GLRA1: variants seen among roughly 807,000 people sequenced by gnomAD.
The protein encoded by GLRA1 is glycine receptor alpha 1.
A neutral mutation model predicts 48.3 loss-of-function variants in GLRA1; 37 were observed. The observed-to-expected ratio is 0.77, with a 90% CI of 0.59 to 1.01. The LOEUF (loss-of-function observed/expected upper bound fraction) is 1.01. GLRA1 is among the 50% of genes least tolerant of loss of function. The pLI is 0.00. For synonymous variants in GLRA1, 196 were observed against 210.7 expected, an observed-to-expected ratio of 0.93 and a Z score of 0.60; for missense variants, 427 against 571.0, an observed-to-expected ratio of 0.75 and a Z score of 2.57.
intron 3 of GLRA1, 145 bp downstream of exon 3, chr5:151,886,576 T>A: frequency 9.9e-6 from 7 of 704,592 alleles, no homozygotes; most frequent in South Asian, 3.0e-5. Flanking sequence ...AGTAAAGACA[T>A]CCGAGCCTCA....
chr5:151,913,617 C>T (rs1044293236), intron 1 of GLRA1, among the ~76,000 whole-genome samples: 3 of 152,004 alleles, frequency 2.0e-5, no homozygotes, highest in Admixed American at 2.0e-4. Flanking sequence ...ACAAGATATT[C>T]CTGAGTGATA....
intron 1 of GLRA1, among the ~76,000 whole-genome samples, chr5:151,906,673 A>G (rs1394813415): frequency 6.6e-6 from 1 of 152,126 alleles, no homozygotes; most frequent in Non-Finnish European, 1.5e-5. Flanking sequence ...CTTTGCAAAT[A>G]TTATTTATTT....
intron 3 of GLRA1, among the ~76,000 whole-genome samples, chr5:151,875,376 G>T (rs1184933281): frequency 6.6e-6 from 1 of 152,206 alleles, no homozygotes; most frequent in Admixed American, 6.5e-5. Context: ...GTTTCACTTT[G>T]TTGCCTAGGC....
At chr5:151,864,770 G>A (rs1340900553) in intron 3 of GLRA1, among the ~76,000 whole-genome samples, 1 of 152,046 alleles carries the variant, frequency 6.6e-6, no homozygotes, top group Non-Finnish European at 1.5e-5. Context: ...GCTTGATTGG[G>A]AGCAATCTTA....
intron 3 of GLRA1, among the ~76,000 whole-genome samples, chr5:151,885,936 C>T (rs1364119348): frequency 6.6e-6 from 1 of 152,082 alleles, no homozygotes; most frequent in Non-Finnish European, 1.5e-5. Context: ...TGATGGAAGC[C>T]TGAACTAGAT....
Position 151,843,809 on chromosome 5 carries a change from A to G in GLRA1, c.912+7581T>C, listed in dbSNP as rs147101368. 4.5e-3 allele frequency among the ~76,000 whole-genome samples: 690 copies of G among 152,296 alleles called. 7 individuals carry two copies. Among genetic ancestry groups the G allele is most frequent in the African/African-American group, 0.015 (627 of 41,554 alleles). ...GTTGATTTTTTTGACGAGGGTATCAATTCAACAGGGAAAAGAATACTCTTC... is the reference window on the plus strand; with the variant it reads ...GTTGATTTTTTTGACGAGGGTATCAGTTCAACAGGGAAAAGAATACTCTTC... On this transcript the variant is annotated intron_variant, in intron 7 of 8. Transcript: ENST00000274576.
At chr5:151,839,074 C>T (rs1349829867) in intron 7 of GLRA1, among the ~76,000 whole-genome samples, 6 of 152,242 alleles carry the variant, frequency 3.9e-5, no homozygotes, top group Admixed American at 3.9e-4. Context: ...TTCTCATTAA[C>T]ACCATCGGGT....
intron 1 of GLRA1, among the ~76,000 whole-genome samples, chr5:151,919,172 T>C (rs1754812957): frequency 6.6e-6 from 1 of 152,226 alleles, no homozygotes; most frequent in African/African-American, 2.4e-5. Flanking sequence ...TATCCCATGG[T>C]ATTTAGTATT....
intron 8 of GLRA1, among the ~76,000 whole-genome samples, chr5:151,827,665 T>C (rs7726718): frequency 0.17 from 26,556 of 152,156 alleles, 2,481 homozygotes; most frequent in African/African-American, 0.24. Flanking sequence ...TATTTTGTTT[T>C]GTTTTATTTT....
At chr5:151,855,695 C>T (rs1332746022) in intron 5 of GLRA1, among the ~76,000 whole-genome samples, 1 of 152,204 alleles carries the variant, frequency 6.6e-6, no homozygotes, top group East Asian at 1.9e-4. Context: ...GGTAGTGCTC[C>T]AAGGAAATGG....
intron 1 of GLRA1, among the ~76,000 whole-genome samples, chr5:151,908,152 C>A (rs916556679): frequency 6.6e-6 from 1 of 152,166 alleles, no homozygotes; most frequent in African/African-American, 2.4e-5. Flanking sequence ...CATTCAGGCC[C>A]CTGTTCTGTA....
chr5:151,825,748 C>A (rs191437300), intron 8 of GLRA1, among the ~76,000 whole-genome samples: 1 of 152,296 alleles, frequency 6.6e-6, no homozygotes, highest in Admixed American at 6.5e-5. Flanking sequence ...TTGTGCACAA[C>A]AAATGAGGCA....
chr5:151,848,984 G>A (rs913819223), intron 7 of GLRA1: 9 of 704,550 alleles, frequency 1.3e-5, no homozygotes, highest in East Asian at 5.6e-5. Context: ...TGTCTGGATC[G>A]ATGGTACTGG....
chr5:151,865,684 C>A (rs1753317302), intron 3 of GLRA1, among the ~76,000 whole-genome samples: 1 of 152,242 alleles, frequency 6.6e-6, no homozygotes, highest in South Asian at 2.1e-4. Context: ...AGACGTACAT[C>A]ATCTAAAAGA....
intron 3 of GLRA1, among the ~76,000 whole-genome samples, chr5:151,869,502 T>G (rs1281465558): frequency 6.6e-6 from 1 of 150,624 alleles, no homozygotes; most frequent in Non-Finnish European, 1.5e-5. Context: ...TCACCTGAGG[T>G]CAGGAGTTTG....
chr5:151,910,320 G>T (rs982650345), intron 1 of GLRA1, among the ~76,000 whole-genome samples: 7 of 152,102 alleles, frequency 4.6e-5, no homozygotes, highest in Non-Finnish European at 8.8e-5. Flanking sequence ...CTTTTCAAAA[G>T]TAATATATAT....
intron 7 of GLRA1, among the ~76,000 whole-genome samples, chr5:151,843,803 G>T (rs577217017): frequency 6.6e-6 from 1 of 152,232 alleles, no homozygotes; most frequent in South Asian, 2.1e-4. Flanking sequence ...TTTGACGAGG[G>T]TATCAATTCA....
intron 2 of GLRA1, among the ~76,000 whole-genome samples, chr5:151,890,280 A>G (rs915543985): frequency 6.6e-6 from 1 of 152,106 alleles, no homozygotes; most frequent in Non-Finnish European, 1.5e-5. Flanking sequence ...GGGCTTTTCT[A>G]TGTGTCAAGT....
At chr5:151,923,901 C>T (rs1418819284) in intron 1 of GLRA1, among the ~76,000 whole-genome samples, 3 of 152,156 alleles carry the variant, frequency 2.0e-5, no homozygotes, top group African/African-American at 4.8e-5. Context: ...GCTTTACACA[C>T]TGAGGTTATA....
Sources: allele counts gnomAD v4.1 joint callset (sites outside exome capture counted in the v4.1 genomes callset), GRCh38; gene constraint gnomAD v4.1.1; transcripts MANE v1.5; gene names NCBI Gene and HGNC (gene_info 2026-07-23, HGNC 2026-07-21).